Variants in NPC1L1 observed in about 807,000 individuals in gnomAD.
NPC1L1 encodes NPC1-like intracellular cholesterol transporter 1.
A neutral mutation model predicts 117.0 loss-of-function variants in NPC1L1; 98 were observed. That is an observed-to-expected ratio of 0.84 (90% CI 0.71 to 0.99). The LOEUF is 0.99. NPC1L1 is among the 50% of genes least tolerant of loss of function. NPC1L1 has a pLI of 0.00. For missense variants in NPC1L1, 1,540 were observed against 1,710.0 expected (o/e 0.90, Z 1.75); for synonymous variants, 729 against 727.6 (o/e 1.00, Z -0.03).
chr7:44,531,107 T>C (rs1480793750), intron 10 of NPC1L1, among the ~76,000 whole-genome samples: 3 of 152,212 alleles, frequency 2.0e-5, no homozygotes, highest in Admixed American at 1.3e-4. Context: ...TGCTTCCTCT[T>C]GGCCACCAGC....
Position 44,532,060 on chromosome 7 carries a change from G to A in NPC1L1, c.2547+20C>T, listed in dbSNP as rs1394687750. The A allele has an allele frequency of 6.2e-7, 1 of 1,614,170 alleles. No homozygotes were observed. The highest frequency in any genetic ancestry group is 8.5e-7 in the Non-Finnish European group (1 of 1,180,026). On this transcript the variant is annotated intron_variant, in intron 9 of 18. Coordinates refer to ENST00000381160, the MANE Select transcript of NPC1L1 (RefSeq NM_001101648.2). ...CCCCACCTAGTGCCCCTGCTCTCGT[G>A]TGGTTCGAGGCCCACTCACCACAAC...
chr7:44,537,364 A>C (rs1201783992), intron 2 of NPC1L1, among the ~76,000 whole-genome samples: 1 of 152,118 alleles, frequency 6.6e-6, no homozygotes, highest in Admixed American at 6.5e-5. Flanking sequence ...CTGGGATTTG[A>C]GCCATGGGGT....
At chr7:44,524,487 G>T (rs1801448679) in intron 10 of NPC1L1, among the ~76,000 whole-genome samples, 1 of 152,242 alleles carries the variant, frequency 6.6e-6, no homozygotes, top group Admixed American at 6.5e-5. Flanking sequence ...AGGCACAGTG[G>T]CTGATGCCTG....
At chr7:44,526,546 C>CAAAAAAAAAAAAAAAAAAAAAAA (rs372498105) in intron 10 of NPC1L1, among the ~76,000 whole-genome samples, 7 of 68,350 alleles carry the variant, frequency 1.0e-4, no homozygotes, top group African/African-American at 4.9e-4. Flanking sequence ...GACTCCATCT[C>CAAAAAAAAAAAAAAAAAAAAAAA]AAAAAAAAAA....
intron 10 of NPC1L1, among the ~76,000 whole-genome samples, chr7:44,525,254 G>A (rs927230897): frequency 2.0e-5 from 3 of 151,956 alleles, no homozygotes; most frequent in African/African-American, 7.3e-5. Context: ...CCACACCAAC[G>A]GATATTATAA....
In NPC1L1 at chr7:44,536,316, C is replaced by T; in HGVS notation, c.1794G>A (p.Glu598=). ...QAKLWEEAFL[E]EMRAFQRRMA... is the part of the protein sequence containing the mutation. ...TCCGACGCTGGAAGGCTCGCATTTCCTCTAAGAAGGCCTCCTCCCACAGCT... is the reference window on the plus strand; with the variant it reads ...TCCGACGCTGGAAGGCTCGCATTTCTTCTAAGAAGGCCTCCTCCCACAGCT... The change falls in exon 4 of 19, where the codon GAG becomes GAA. Residue 598 remains glutamate, a synonymous_variant. Transcript: ENST00000381160. This position sits in a 1 kb window ranked among gnomAD's most constrained non-coding sequence, Gnocchi z 4.7. 2.5e-6 allele frequency: 4 copies of T among 1,614,262 alleles called. No individual in the cohort carries two copies. Among genetic ancestry groups the T allele is most frequent in the Non-Finnish European group, 3.4e-6 (4 of 1,180,042 alleles).
chr7:44,530,804 T>G (rs973903614), intron 10 of NPC1L1, among the ~76,000 whole-genome samples: 2 of 152,052 alleles, frequency 1.3e-5, no homozygotes, highest in African/African-American at 4.8e-5. Context: ...CTCCATAAAG[T>G]CACCCAAAGT....
In NPC1L1 at chr7:44,536,370, AG is replaced by A; in HGVS notation, c.1739del (p.Pro580LeufsTer18). On this transcript the variant is annotated frameshift_variant, in exon 4 of 19. Transcript: ENST00000381160. LOFTEE classifies it high-confidence loss of function. This position sits in a 1 kb window ranked among gnomAD's most constrained non-coding sequence, Gnocchi z 4.7. ...CCTGGGCCAGACGGGGGTCCCCGGC[AG>A]GGTAATTGTTGAGGGAGAACGTCAT... ...LIMTFSLNNYPAGDPRLAQAK... is the reference protein window; with the variant it reads ...LIMTFSLNNYXAGDPRLAQAK... The A allele has an allele frequency of 6.2e-7, 1 of 1,614,178 alleles. No individual in the cohort carries two copies. Among genetic ancestry groups the A allele is most frequent in the Non-Finnish European group, 8.5e-7 (1 of 1,180,028 alleles).
intron 10 of NPC1L1, among the ~76,000 whole-genome samples, chr7:44,524,938 G>C (rs1209726702): frequency 6.6e-6 from 1 of 151,910 alleles, no homozygotes; most frequent in Non-Finnish European, 1.5e-5. Flanking sequence ...ATTCACTAGA[G>C]GGATTCAAAA....
At chr7:44,513,767 A>G in intron 18 of NPC1L1, 118 bp from the exon 19 acceptor site, 2 of 1,098,798 alleles carry the variant, frequency 1.8e-6, no homozygotes, top group East Asian at 2.5e-5. Flanking sequence ...GATCTGTGCC[A>G]TGTGCCTTCC....
chr7:44,522,177 G>A lies in NPC1L1; in HGVS notation c.2703C>T (p.Tyr901=), dbSNP rs749854798. 5 of 1,613,818 alleles carry A rather than the reference G, an allele frequency of 3.1e-6. No homozygotes were observed. Among genetic ancestry groups the A allele is most frequent in the Non-Finnish European group, 3.4e-6 (4 of 1,179,930 alleles). ...AGTTGTAGCCCAAGGTGGTAACAAA[G>A]TACACCGGGGCCCCCACCTCGAAGT... ...NRYFEVGAPV[Y]FVTTLGYNFS... The change falls in exon 11 of 19, where the codon TAC becomes TAT. Residue 901 remains tyrosine (Y), a synonymous_variant. Transcript: ENST00000381160.
rs1178654190 is a variant in NPC1L1 at position 44,532,165 on chromosome 7, G to A, written c.2462C>T (p.Pro821Leu). The A allele has an allele frequency of 1.2e-6, 2 of 1,614,050 alleles. No individual in the cohort carries two copies. Among genetic ancestry groups the A allele is most frequent in the Admixed American group, 1.7e-5 (1 of 60,006 alleles). The change falls in exon 9 of 19, where the codon CCT becomes CTT. Residue 821 changes from proline (P) to leucine (L), a missense_variant. Transcript: ENST00000381160. ...AAGCAGGAGCCCCTCTCCCTGGCCA[G>A]GCGGGGGCAGCTCCTGGGGCTTGAC... ...CCVKPQELPPPGQGEGLLLGF... is the reference protein window; with the variant it reads ...CCVKPQELPPLGQGEGLLLGF...
chr7:44,540,234 C>G lies in NPC1L1; in HGVS notation c.163G>C (p.Val55Leu), dbSNP rs119457968. 28 of 1,613,874 alleles carry G rather than the reference C, an allele frequency of 1.7e-5. No homozygotes were observed. The highest frequency in any genetic ancestry group is 1.6e-4 in the Middle Eastern group (1 of 6,084). The change falls in exon 2 of 19, where the codon GTG (valine) becomes CTG (leucine). Residue 55 changes from valine to leucine, a missense_variant. Transcript: ENST00000381160. The part of the protein sequence containing the change: ...LSGSLMTLSN[V>L]SCLSNTPARK... ...GCCGGCGTGTTGGACAGGCAGGACA[C>G]GTTGGAGAGTGTCATGAGGCTTCCA...
rs770694683 is a variant in NPC1L1, at chr7:44,517,376, C to G, written c.3137-19G>C. ...CTGGAGGCTGGACAGCCATGGCACA[C>G]AGAAGATGGAAGGGCAAAGGTCAGA... On this transcript the variant is annotated intron_variant, in intron 14 of 18. Coordinates refer to ENST00000381160, the MANE Select transcript of NPC1L1 (RefSeq NM_001101648.2). 1 of 1,608,092 alleles carries G rather than the reference C, an allele frequency of 6.2e-7. No homozygotes were observed. The highest frequency in any genetic ancestry group is 8.5e-7 in the Non-Finnish European group (1 of 1,179,992).
In NPC1L1 at chr7:44,539,703, C is replaced by T. The variant is rs144044125; in HGVS notation, c.694G>A (p.Gly232Arg). ...LLEPGQAVGS[G>R]IQPLNEGVAR... Reference sequence around the variant, plus strand: ...ACCCCCTCATTCAGAGGCTGAATCCCACTCCCCACGGCCTGGCCAGGCTCC... The same window carrying T: ...ACCCCCTCATTCAGAGGCTGAATCCTACTCCCCACGGCCTGGCCAGGCTCC... Residue 232 changes from glycine (G) to arginine (R), a missense_variant, in exon 2 of 19, where the codon GGG becomes AGG. By Grantham distance (125) the Gly-to-Arg change is moderately radical. This residue lies in a region of NPC1L1 where 793 missense variants were observed against 820.4 expected (regional missense o/e 0.97). Transcript: ENST00000381160. The surrounding 1 kb of genome is among the most constrained non-coding windows in gnomAD (Gnocchi z 4.4). 6.2e-6 allele frequency: 10 copies of T among 1,614,060 alleles called. No individual in the cohort carries two copies. Among genetic ancestry groups the T allele is most frequent in the Non-Finnish European group, 8.5e-6 (10 of 1,180,030 alleles).
At chr7:44,516,002 G>T in intron 17 of NPC1L1, 37 bp from the exon 18 acceptor site, 1 of 1,570,826 alleles carries the variant, frequency 6.4e-7, no homozygotes, top group South Asian at 1.1e-5. Flanking sequence ...GCAGGGCACA[G>T]GGCATCAGGC....
intron 10 of NPC1L1, among the ~76,000 whole-genome samples, chr7:44,529,677 C>CA (rs1271314623): frequency 6.6e-6 from 1 of 151,104 alleles, no homozygotes; most frequent in Non-Finnish European, 1.5e-5. Flanking sequence ...CACTCCCAGC[C>CA]AAAAAAATAA....
rs772516854 is a variant in NPC1L1 at position 44,521,061 on chromosome 7, G to A, written c.3011C>T (p.Ser1004Leu). 17 of 1,614,072 alleles carry A rather than the reference G, an allele frequency of 1.1e-5. No homozygotes were observed. Among genetic ancestry groups the A allele is most frequent in the East Asian group, 6.7e-5 (3 of 44,890 alleles). ...AAGATACTTATGGAACTGCTCCACC[G>A]AGGGCCTCACAGAGCCCATCGTGAT... The part of the protein sequence containing the change: ...MSITMGSVRP[S>L]VEQFHKYLPW... The change falls in exon 13 of 19, where the codon TCG becomes TTG. Residue 1004 changes from serine to leucine, a missense_variant. Physicochemically the swap from Ser to Leu is moderately radical, Grantham distance 145. Transcript: ENST00000381160.
At chr7:44,527,275 A>G (rs1035122522) in intron 10 of NPC1L1, among the ~76,000 whole-genome samples, 2 of 151,760 alleles carry the variant, frequency 1.3e-5, no homozygotes, top group South Asian at 4.2e-4. Flanking sequence ...CCTGACCAAC[A>G]TGGAGAAACC....
Sources: allele counts gnomAD v4.1 joint callset (sites outside exome capture counted in the v4.1 genomes callset), GRCh38; gene constraint gnomAD v4.1.1; regional missense constraint gnomAD v4.1.1; non-coding constraint Gnocchi (gnomAD v3.1); transcripts MANE v1.5; gene names NCBI Gene and HGNC (gene_info 2026-07-23, HGNC 2026-07-21).